QTMAN: variants seen among roughly 807,000 people sequenced by gnomAD.
QTMAN encodes the protein tRNA-queuosine alpha-mannosyltransferase.
chr2:144,321,668 T>A, the QTMAN span, among the ~76,000 whole-genome samples: 1 of 152,212 alleles, frequency 6.6e-6, no homozygotes, highest in South Asian at 2.1e-4. Flanking sequence ...AGCAGCACAA[T>A]CATAGCTCAC....
chr2:144,024,551 A>G, the QTMAN span, among the ~76,000 whole-genome samples: 2 of 152,230 alleles, frequency 1.3e-5, no homozygotes, highest in Admixed American at 6.5e-5. Flanking sequence ...AAGAATATAA[A>G]AAGTATAAAC....
chr2:144,181,302 T>A, the QTMAN span, among the ~76,000 whole-genome samples: 1 of 152,212 alleles, frequency 6.6e-6, no homozygotes, highest in Non-Finnish European at 1.5e-5. Context: ...AGACAACTAA[T>A]GCAAAATGTG....
At chr2:144,297,088 T>C in the QTMAN span, among the ~76,000 whole-genome samples, 3 of 152,202 alleles carry the variant, frequency 2.0e-5, no homozygotes, top group Admixed American at 6.5e-5. Flanking sequence ...ACATTCCAAA[T>C]CTACAAATTA....
At chr2:144,133,127 A>ATATT in the QTMAN span, among the ~76,000 whole-genome samples, 3 of 42,842 alleles carry the variant, frequency 7.0e-5, no homozygotes, top group South Asian at 1.8e-3. Context: ...ATATATATAT[A>ATATT]TATATATATA....
chr2:144,148,814 G>GGAATATT, the QTMAN span, among the ~76,000 whole-genome samples: 1 of 151,834 alleles, frequency 6.6e-6, no homozygotes, highest in Non-Finnish European at 1.5e-5. Flanking sequence ...CCCCATTTGA[G>GGAATATT]ACTGCCCACG....
the QTMAN span, among the ~76,000 whole-genome samples, chr2:144,081,080 C>T: frequency 1.3e-5 from 2 of 152,160 alleles, no homozygotes; most frequent in Non-Finnish European, 2.9e-5. Context: ...TAACTGCTTA[C>T]TATTGCCAAT....
the QTMAN span, among the ~76,000 whole-genome samples, chr2:144,095,230 C>T: frequency 6.6e-6 from 1 of 152,204 alleles, no homozygotes; most frequent in Non-Finnish European, 1.5e-5. Flanking sequence ...TGCCCAGTCT[C>T]ACTTTTATAT....
chr2:144,103,805 T>C, the QTMAN span, among the ~76,000 whole-genome samples: 4 of 152,090 alleles, frequency 2.6e-5, no homozygotes, highest in South Asian at 2.1e-4. Context: ...AACTACATAA[T>C]AGGGCCAGGC....
chr2:144,173,185 G>A, the QTMAN span, among the ~76,000 whole-genome samples: 2 of 152,028 alleles, frequency 1.3e-5, no homozygotes. Flanking sequence ...CTGTTTTTAA[G>A]ATACTCTCCT....
At chr2:144,208,668 C>T in the QTMAN span, 1 of 1,613,870 alleles carries the variant, frequency 6.2e-7, no homozygotes, top group Non-Finnish European at 8.5e-7. Flanking sequence ...CTCTCCAATG[C>T]CATTTCTTTG....
the QTMAN span, among the ~76,000 whole-genome samples, chr2:144,192,258 C>T: frequency 6.6e-6 from 1 of 152,192 alleles, no homozygotes; most frequent in East Asian, 1.9e-4. Flanking sequence ...AGGAACCTAA[C>T]ACCATGCCTG....
At chr2:144,238,315 C>T in the QTMAN span, among the ~76,000 whole-genome samples, 36 of 152,264 alleles carry the variant, frequency 2.4e-4, no homozygotes, top group African/African-American at 8.7e-4. Flanking sequence ...TGTAGATATG[C>T]TACTAAATGA....
chr2:144,023,139 G>C, the QTMAN span, among the ~76,000 whole-genome samples: 1 of 151,984 alleles, frequency 6.6e-6, no homozygotes, highest in Non-Finnish European at 1.5e-5. Flanking sequence ...GAAACTTTTG[G>C]ACTAGAAAAT....
At chr2:144,303,565 T>A in the QTMAN span, among the ~76,000 whole-genome samples, 1 of 152,124 alleles carries the variant, frequency 6.6e-6, no homozygotes, top group East Asian at 1.9e-4. Context: ...AAGAAAAGGG[T>A]GGAAAATGTT....
the QTMAN span, among the ~76,000 whole-genome samples, chr2:143,975,579 G>A: frequency 1.3e-5 from 2 of 152,216 alleles, no homozygotes; most frequent in African/African-American, 4.8e-5. Context: ...TGAGCACACA[G>A]AAGACTCCAT....
the QTMAN span, among the ~76,000 whole-genome samples, chr2:144,080,896 T>C: frequency 6.6e-6 from 1 of 152,192 alleles, no homozygotes; most frequent in African/African-American, 2.4e-5. Context: ...TCAAAAATAA[T>C]TTTCTGTTAC....
At chr2:144,297,718 C>G in the QTMAN span, among the ~76,000 whole-genome samples, 2 of 151,268 alleles carry the variant, frequency 1.3e-5, no homozygotes, top group East Asian at 3.9e-4. Flanking sequence ...GTAGCTGGGA[C>G]TACAGGTGCG....
the QTMAN span, among the ~76,000 whole-genome samples, chr2:143,961,333 C>A: frequency 6.6e-6 from 1 of 152,202 alleles, no homozygotes; most frequent in East Asian, 1.9e-4. Context: ...ATTATTTTGA[C>A]CATACCACAC....
At chr2:144,031,556 C>G in the QTMAN span, among the ~76,000 whole-genome samples, 1 of 151,618 alleles carries the variant, frequency 6.6e-6, no homozygotes, top group African/African-American at 2.4e-5. Context: ...AATCATAAAA[C>G]CTGAAGCCAT....
Sources: gnomAD v4.1 joint callset for allele counts (sites outside exome capture counted in the v4.1 genomes callset) on GRCh38, gnomAD v4.1.1 for gene constraint, MANE v1.5 for transcripts, NCBI Gene and HGNC (gene_info 2026-07-23, HGNC 2026-07-21) for gene names.